Variants in TMEM165 observed in about 807,000 individuals in gnomAD.
TMEM165 encodes the protein transmembrane protein 165.
In TMEM165, 19 loss-of-function variants were observed where a neutral mutation model predicts 30.0. The observed-to-expected ratio is 0.63, with a 90% CI of 0.44 to 0.93. TMEM165 has a LOEUF of 0.93. Among genes scored for constraint, TMEM165 ranks in the 40% least tolerant of loss-of-function variants. TMEM165 has a pLI of 0.00. For missense variants in TMEM165, 340 were observed against 417.0 expected, an observed-to-expected ratio of 0.82 and a Z score of 1.61; for synonymous variants, 168 against 162.9, an observed-to-expected ratio of 1.03 and a Z score of -0.24.
At chr4:55,448,644 G>GCA in intron 3 of TMEM165, 1 of 571,366 alleles carries the variant, frequency 1.8e-6, no homozygotes, top group Non-Finnish European at 3.2e-6. Context: ...GTGTGTGTGT[G>GCA]CTCCTACCTC....
At chr4:55,402,605 G>T (rs749170425) in intron 1 of TMEM165, among the ~76,000 whole-genome samples, 1 of 142,554 alleles carries the variant, frequency 7.0e-6, no homozygotes, top group Non-Finnish European at 1.5e-5. Context: ...ATGCCACCAC[G>T]CCCAGCTGAT....
intron 3 of TMEM165, among the ~76,000 whole-genome samples, chr4:55,448,625 T>C (rs1331976725): frequency 4.0e-5 from 6 of 151,748 alleles, no homozygotes; most frequent in African/African-American, 1.2e-4. Flanking sequence ...TGTGTGTGTG[T>C]GTGTGTGTGT....
chr4:55,453,292 T>G (rs1264653150), exon 4 of TMEM165: 1 of 617,702 alleles, frequency 1.6e-6, no homozygotes, highest in African/African-American at 1.8e-5. Context: ...TAATTTAACT[T>G]GCATTTTTCT....
At chr4:55,402,941 G>A (rs959788531) in intron 1 of TMEM165, among the ~76,000 whole-genome samples, 15 of 151,292 alleles carry the variant, frequency 9.9e-5, no homozygotes, top group African/African-American at 2.9e-4. Flanking sequence ...ACAGGTGCCC[G>A]CCACACGCCC....
At position 55,446,062 on chromosome 4, in the gene TMEM165, C is replaced by T. The variant is rs188316726; in HGVS notation, c.409-6177C>T. Among the ~76,000 whole-genome samples, 42 of 150,494 alleles carry T rather than the reference C, an allele frequency of 2.8e-4. No individual in the cohort carries two copies. In the East Asian group the frequency reaches 7.5e-3, roughly 27 times the overall value. ...ACCCTGGATTTACAAGACCTGAGCTCATATTGTGGCTACCACTTACTGGAA... is the reference window on the plus strand; with the variant it reads ...ACCCTGGATTTACAAGACCTGAGCTTATATTGTGGCTACCACTTACTGGAA... On this transcript the variant is annotated intron_variant, in intron 3 of 3. Transcript: ENST00000608091.
intron 1 of TMEM165, among the ~76,000 whole-genome samples, chr4:55,405,070 C>T (rs1444222339): frequency 6.6e-6 from 1 of 152,142 alleles, no homozygotes; most frequent in Non-Finnish European, 1.5e-5. Context: ...CTCCCTCCAC[C>T]TTCTTTGAAT....
intron 2 of TMEM165, 67 bp from the exon 3 acceptor site, chr4:55,417,005 G>T (rs774238022): frequency 7.4e-6 from 10 of 1,345,540 alleles, no homozygotes; most frequent in East Asian, 2.5e-5. Context: ...TATTATTTCC[G>T]AAGTTAACTG....
intron 4 of TMEM165, among the ~76,000 whole-genome samples, chr4:55,421,674 TCA>T (rs1181831606): frequency 6.6e-6 from 1 of 152,180 alleles, no homozygotes; most frequent in Non-Finnish European, 1.5e-5. Flanking sequence ...CTTCCATTCT[TCA>T]CAGTGGATGC....
chr4:55,434,518 C>T (rs3749474), intron 3 of TMEM165: 51,426 of 152,110 alleles, frequency 0.34, 9,387 homozygotes, highest in East Asian at 0.58. Flanking sequence ...TATTTTCAAA[C>T]ATAATTGAAA....
At chr4:55,415,191 A>G (rs563459409) in intron 2 of TMEM165, 3 of 152,340 alleles carry the variant, frequency 2.0e-5, no homozygotes, top group South Asian at 2.1e-4. Flanking sequence ...TTGGTATTCT[A>G]CTGCCAGCAA....
At chr4:55,443,308 CTACTAAAAATATGAAA>C (rs1245773662) in intron 3 of TMEM165, among the ~76,000 whole-genome samples, 1 of 151,918 alleles carries the variant, frequency 6.6e-6, no homozygotes, top group Non-Finnish European at 1.5e-5. Context: ...AACCCCATCT[CTACTAAAAATATGAAA>C]ATCAGCCTGG....
intron 1 of TMEM165, among the ~76,000 whole-genome samples, chr4:55,396,960 G>A (rs78204186): frequency 0.027 from 4,067 of 152,320 alleles, 190 homozygotes; most frequent in African/African-American, 0.093. Context: ...AGTACAGCGT[G>A]CTGCAGCGAT....
At position 55,424,519 on chromosome 4, in the gene TMEM165, C is replaced by CTG. The variant is rs751960423; in HGVS notation, c.793-16_793-15dup. ...TTGTCACCTTGGTTTTGAATTAATG[C>CTG]TGTGACGCTTGCTTCCAGGACCCCT... On this transcript the variant is annotated intron_variant, in intron 4 of 5. Transcript: ENST00000381334. 1 of 1,518,114 alleles carries CTG rather than the reference C, an allele frequency of 6.6e-7. No homozygotes were observed. The highest frequency in any genetic ancestry group is 1.1e-5 in the South Asian group (1 of 88,562). The allele number at this position is 1,518,114 out of a possible 1,614,324, so 94.0% of individuals were successfully genotyped here. A position where few individuals can be genotyped will look rare whatever the true frequency, so the allele number is the denominator to read the frequency against.
At chr4:55,396,526 G>C in intron 1 of TMEM165, 130 bp downstream of exon 1, 1 of 745,712 alleles carries the variant, frequency 1.3e-6, no homozygotes, top group Non-Finnish European at 2.0e-6. Context: ...CTGCTCCCGG[G>C]GTGGAGGGCG....
At chr4:55,444,847 C>G in intron 3 of TMEM165, 1 of 1,523,340 alleles carries the variant, frequency 6.6e-7, no homozygotes, top group Non-Finnish European at 9.0e-7. Flanking sequence ...CTTATAATTG[C>G]ACAACATGAA....
intron 3 of TMEM165, chr4:55,449,994 A>G (rs1724276294): frequency 2.8e-6 from 4 of 1,422,758 alleles, no homozygotes; most frequent in Middle Eastern, 2.0e-4. Context: ...AAAACTTATA[A>G]TTTTAAAGAA....
intron 1 of TMEM165, among the ~76,000 whole-genome samples, chr4:55,405,212 A>C (rs1721223826): frequency 6.6e-6 from 1 of 152,156 alleles, no homozygotes; most frequent in Non-Finnish European, 1.5e-5. Context: ...TCCTCACTTA[A>C]TGTTATTAAT....
At chr4:55,431,270 C>A (rs539807043) in intron 3 of TMEM165, 3 of 152,056 alleles carry the variant, frequency 2.0e-5, no homozygotes. Context: ...AGGCACATTA[C>A]CCATGCGGAT....
At chr4:55,448,828 G>A in intron 3 of TMEM165, 1 of 1,613,936 alleles carries the variant, frequency 6.2e-7, no homozygotes, top group South Asian at 1.1e-5. Context: ...AGACATCACT[G>A]GCTGTGTTAA....
Sources: allele counts gnomAD v4.1 joint callset (sites outside exome capture counted in the v4.1 genomes callset), GRCh38; gene constraint gnomAD v4.1.1; transcripts MANE v1.5; gene names NCBI Gene and HGNC (gene_info 2026-07-23, HGNC 2026-07-21).